Variants in ZC3H13 observed in about 807,000 individuals in gnomAD.
ZC3H13 encodes the protein zinc finger CCCH domain-containing protein 13.
Under a neutral mutation model 204.1 loss-of-function variants are expected in ZC3H13, and 64 were observed. The ratio of observed to expected loss-of-function variants is 0.31; its 90% CI spans 0.26 to 0.39. The LOEUF (loss-of-function observed/expected upper bound fraction) is 0.39. Ranked by LOEUF, ZC3H13 falls within the 10% of genes least tolerant of loss-of-function variation. The pLI is 1.00. For synonymous variants in ZC3H13, 667 were observed against 693.7 expected (o/e 0.96, Z 0.60); for missense variants, 1,833 against 2,082.7 (o/e 0.88, Z 2.33).
rs143233391 is a variant in ZC3H13, at chr13:46,040,181, A to T, written c.339+1983T>A. On this transcript the variant is annotated intron_variant, in intron 4 of 18. Transcript: ENST00000679008. Reference sequence around the variant, plus strand: ...AGACTGTATCACTGTATAACATTAGACATTAGAAAACTAAATACTTAAAAC... The same window carrying T: ...AGACTGTATCACTGTATAACATTAGTCATTAGAAAACTAAATACTTAAAAC... Among the ~76,000 whole-genome samples the T allele has an allele frequency of 1.1e-3, 172 of 152,322 alleles. 2 individuals are homozygous for T. The East Asian group carries it at 0.025, about 22-fold the overall frequency.
chr13:45,981,421 T>A (rs1953594150), intron 10 of ZC3H13, among the ~76,000 whole-genome samples: 2 of 152,152 alleles, frequency 1.3e-5, no homozygotes, highest in Admixed American at 6.5e-5. Context: ...TCTTTGCTAT[T>A]GTGAATAGTG....
intron 7 of ZC3H13, among the ~76,000 whole-genome samples, chr13:46,006,724 A>ATATATATATATATATG (rs1169223967): frequency 7.2e-6 from 1 of 138,614 alleles, no homozygotes; most frequent in African/African-American, 2.8e-5. Context: ...ATATATATAT[A>ATATATATATATATATG]TGAGATAGTA....
Position 45,963,564 on chromosome 13 carries a change from A to C in ZC3H13, c.4675+278T>G. On this transcript the variant is annotated intron_variant, in intron 17 of 18. Coordinates refer to ENST00000679008, the MANE Select transcript of ZC3H13 (RefSeq NM_001330564.2). ...AACCTCCCTGAGTAGCTGTGACTAC[A>C]GACATGCAACACCACGCCTGGCCTG... 5 of 1,169,172 alleles carry C rather than the reference A, an allele frequency of 4.3e-6. No individual in the cohort carries two copies. In the South Asian group the frequency reaches 1.0e-4, roughly 24 times the overall value. 72.4% of individuals were successfully genotyped at this position (1,169,172 alleles called of 1,614,324 possible).
intron 12 of ZC3H13, among the ~76,000 whole-genome samples, chr13:45,971,055 A>G (rs1952541812): frequency 6.6e-6 from 1 of 152,208 alleles, no homozygotes; most frequent in Admixed American, 6.6e-5. Flanking sequence ...GTTATGTCAT[A>G]AACCCAGTGC....
At chr13:45,959,445 C>G in intron 18 of ZC3H13, 38 bp downstream of exon 18, 2 of 1,491,668 alleles carry the variant, frequency 1.3e-6, no homozygotes, top group Non-Finnish European at 1.8e-6. Context: ...GCCATTCACA[C>G]TATTCACTTT....
intron 8 of ZC3H13, among the ~76,000 whole-genome samples, chr13:45,989,929 C>T (rs2039851610): frequency 6.6e-6 from 1 of 152,114 alleles, no homozygotes; most frequent in Admixed American, 6.5e-5. Flanking sequence ...ATAAATATTC[C>T]TCAAAGCAAT....
In ZC3H13 at chr13:46,052,532, C is replaced by A. The variant is rs2044555585; in HGVS notation, c.-138G>T. 5.0e-6 allele frequency: 2 copies of A among 398,560 alleles called. No individual in the cohort carries two copies. Among genetic ancestry groups the A allele is most frequent in the South Asian group, 2.5e-4 (2 of 7,858 alleles). 24.7% of individuals were successfully genotyped at this position (398,560 alleles called of 1,614,324 possible). ...GGACGACGACGAGGAGAAAGCGATG[C>A]GCGCGCGGCTCCCGGGAACCGGCTC... On this transcript the variant is annotated 5_prime_UTR_variant, in exon 1 of 19. Coordinates refer to ENST00000679008, the MANE Select transcript of ZC3H13 (RefSeq NM_001330564.2).
At chr13:46,008,186 T>A (rs2041285645) in intron 7 of ZC3H13, among the ~76,000 whole-genome samples, 1 of 151,982 alleles carries the variant, frequency 6.6e-6, no homozygotes, top group Admixed American at 6.6e-5. Flanking sequence ...AATACTCCAC[T>A]GAGTTTTAAC....
At chr13:45,976,337 T>A (rs930200502) in intron 11 of ZC3H13, 13 of 824,524 alleles carry the variant, frequency 1.6e-5, no homozygotes, top group African/African-American at 1.9e-5. Context: ...CACATCAAAG[T>A]GCAGCTATTA....
At chr13:46,017,643 G>T (rs1740752849) in intron 5 of ZC3H13, among the ~76,000 whole-genome samples, 1 of 151,960 alleles carries the variant, frequency 6.6e-6, no homozygotes, top group Non-Finnish European at 1.5e-5. Context: ...AATACACAAG[G>T]ATAAAAGTTA....
rs377120432 is a variant in ZC3H13 at position 45,969,428 on chromosome 13, T to G, written c.3116A>C (p.Lys1039Thr). Reference sequence around the variant, plus strand: ...ATTGCACATTTCAACCAATTCCTCTTTAGTTGTTATAGGGGGAGTCCGTGG... The same window carrying G: ...ATTGCACATTTCAACCAATTCCTCTGTAGTTGTTATAGGGGGAGTCCGTGG... ...RGPRTPPITT[K>T]EELVEMCNGK... Residue 1039 changes from lysine to threonine, a missense_variant, in exon 14 of 19, where the codon AAA becomes ACA. Lys to Thr is a moderately conservative substitution (Grantham distance 78). Transcript: ENST00000679008. 5.6e-6 allele frequency: 9 copies of G among 1,614,064 alleles called. No homozygotes were observed. The highest frequency in any genetic ancestry group is 7.6e-6 in the Non-Finnish European group (9 of 1,179,968).
At chr13:46,004,406 G>C (rs1315522320) in intron 7 of ZC3H13, among the ~76,000 whole-genome samples, 2 of 152,082 alleles carry the variant, frequency 1.3e-5, no homozygotes, top group African/African-American at 4.8e-5. Flanking sequence ...CAGGCATGGT[G>C]GTGGGTGCCT....
At chr13:46,000,192 C>CGA (rs773886914) in intron 8 of ZC3H13, among the ~76,000 whole-genome samples, 1 of 152,164 alleles carries the variant, frequency 6.6e-6, no homozygotes, top group Non-Finnish European at 1.5e-5. Flanking sequence ...TGGCCCCTAA[C>CGA]GAGAGAGTCA....
rs1387495734 is a variant in ZC3H13 at position 45,960,232 on chromosome 13, C to T, written c.4676-586G>A. ...TCGGCCTCCCAAAGTGCTGGGATTA[C>T]AGCCATGAGTCACCGCCCCCAGCCC... On this transcript the variant is annotated intron_variant, in intron 17 of 18. Transcript: ENST00000679008. Among the ~76,000 whole-genome samples, 4 of 152,120 alleles carry T rather than the reference C, an allele frequency of 2.6e-5. No individual in the cohort carries two copies. The East Asian group carries it at 7.7e-4, about 29-fold the overall frequency.
At chr13:45,990,783 AT>A (rs1307148974) in intron 8 of ZC3H13, among the ~76,000 whole-genome samples, 1 of 151,412 alleles carries the variant, frequency 6.6e-6, no homozygotes, top group Non-Finnish European at 1.5e-5. Context: ...TTCAATTTCA[AT>A]GTCATTAGGT....
At chr13:45,989,162 T>C (rs1287432916) in intron 8 of ZC3H13, 65 bp from the exon 9 acceptor site, 5 of 1,471,074 alleles carry the variant, frequency 3.4e-6, no homozygotes, top group Non-Finnish European at 4.6e-6. Flanking sequence ...CAAAGGAAAA[T>C]CTTTAAAAAC....
chr13:46,038,855 T>C (rs2043378459), intron 4 of ZC3H13, among the ~76,000 whole-genome samples: 1 of 152,138 alleles, frequency 6.6e-6, no homozygotes, highest in African/African-American at 2.4e-5. Context: ...ACCCCATTTC[T>C]ACTGAAGATA....
At chr13:46,045,649 A>AG in intron 1 of ZC3H13, 133 bp from the exon 2 acceptor site, 1 of 673,296 alleles carries the variant, frequency 1.5e-6, no homozygotes. Flanking sequence ...GAGATTAAAA[A>AG]AAAAAAGCAT....
rs1314151591 is a variant in ZC3H13 at position 45,957,207 on chromosome 13, A to G, written c.4930T>C (p.Cys1644Arg). The G allele has an allele frequency of 1.9e-6, 3 of 1,549,152 alleles. No individual in the cohort carries two copies. The highest frequency in any genetic ancestry group is 2.6e-6 in the Non-Finnish European group (3 of 1,146,280). Residue 1644 changes from cysteine (C) to arginine (R), a missense_variant, in exon 19 of 19, where the codon TGC becomes CGC. Cys to Arg is a radical substitution (Grantham distance 180). Transcript: ENST00000679008. ...SLRLFKRKTT[C>R]HAPGHEKTED... is the part of the protein sequence containing the mutation. Reference sequence around the variant, plus strand: ...GTCTTTTCATGTCCTGGAGCATGGCAAGTAGTCTTCCGCTTAAATAACCGA... The same window carrying G: ...GTCTTTTCATGTCCTGGAGCATGGCGAGTAGTCTTCCGCTTAAATAACCGA...
Sources: allele counts gnomAD v4.1 joint callset (sites outside exome capture counted in the v4.1 genomes callset), GRCh38; gene constraint gnomAD v4.1.1; transcripts MANE v1.5; gene names NCBI Gene and HGNC (gene_info 2026-07-23, HGNC 2026-07-21).